Variants in NOS2 observed in about 807,000 individuals in gnomAD.
NOS2 encodes nitric oxide synthase, inducible.
In NOS2, 96 loss-of-function variants were observed where a neutral mutation model predicts 136.0. That is an observed-to-expected ratio of 0.71 (90% confidence interval 0.60 to 0.84). The LOEUF is 0.84. NOS2 is among the 40% of genes least tolerant of loss of function. The pLI, the probability that NOS2 is intolerant of heterozygous loss-of-function variation, is 0.00. For synonymous variants in NOS2, 539 were observed against 587.5 expected (o/e 0.92, Z 1.20); for missense variants, 1,237 against 1,496.9 (o/e 0.83, Z 2.87).
chr17:27,776,009 G>A (rs909570634), intron 11 of NOS2, among the ~76,000 whole-genome samples: 7 of 152,178 alleles, frequency 4.6e-5, no homozygotes, highest in African/African-American at 1.2e-4. Flanking sequence ...ATTTTCACAC[G>A]GCCTGATAGA....
intron 14 of NOS2, 96 bp downstream of exon 14, chr17:27,772,210 ACT>A: frequency 7.4e-7 from 1 of 1,347,240 alleles, no homozygotes; most frequent in Non-Finnish European, 1.0e-6. Context: ...CACATCCAAG[ACT>A]CTGAGACATC....
At position 27,763,953 on chromosome 17, in the gene NOS2, C is replaced by A. The variant is rs779949347; in HGVS notation, c.2592+28G>T. On this transcript the variant is annotated intron_variant, in intron 21 of 26. Transcript: ENST00000313735. ...CACATGCTGGGACCCCCCACATACC[C>A]CCACTGCCCACCAGCCCTGATCTTC... The A allele has an allele frequency of 3.8e-6, 6 of 1,595,942 alleles. No individual in the cohort carries two copies. The South Asian group carries it at 4.5e-5, about 12-fold the overall frequency.
intron 5 of NOS2, among the ~76,000 whole-genome samples, chr17:27,786,381 G>A (rs567620478): frequency 4.6e-5 from 7 of 152,204 alleles, no homozygotes; most frequent in Non-Finnish European, 1.0e-4. Flanking sequence ...AGCCAAGATC[G>A]TGCCACTGCA....
chr17:27,760,242 A>G, intron 24 of NOS2, 64 bp from the exon 25 acceptor site: 1 of 1,471,462 alleles, frequency 6.8e-7, no homozygotes, highest in Non-Finnish European at 9.0e-7. Flanking sequence ...CTCCAAGCCC[A>G]ACTGGAATTC....
intron 2 of NOS2, 42 bp downstream of exon 2, chr17:27,798,658 G>T: frequency 8.0e-7 from 1 of 1,249,140 alleles, no homozygotes; most frequent in Non-Finnish European, 1.2e-6. Context: ...GGGCATGGGT[G>T]CCCAAGGAGA....
At chr17:27,780,738 C>T in intron 9 of NOS2, 29 bp downstream of exon 9, 1 of 1,614,164 alleles carries the variant, frequency 6.2e-7, no homozygotes, top group Non-Finnish European at 8.5e-7. Context: ...TTGACTCGCC[C>T]TTGCCCCCAG....
intron 5 of NOS2, among the ~76,000 whole-genome samples, chr17:27,783,810 T>A (rs17722851): frequency 0.1 from 15,264 of 152,290 alleles, 930 homozygotes; most frequent in South Asian, 0.22. Flanking sequence ...AAGCCCAGGT[T>A]CTTAACTGTC....
At position 27,774,414 on chromosome 17, in the gene NOS2, G is replaced by T; in HGVS notation, c.1319C>A (p.Ala440Glu). 1.3e-6 allele frequency: 2 copies of T among 1,537,982 alleles called. No individual in the cohort carries two copies. The highest frequency in any genetic ancestry group is 2.5e-5 in the East Asian group (1 of 39,804). The change falls in exon 12 of 27, where the codon GCA (alanine) becomes GAA (glutamate). Residue 440 changes from alanine (A) to glutamate (E), a missense_variant. Physicochemically the swap from Ala to Glu is moderately radical, Grantham distance 107. Transcript: ENST00000313735. The stretch of plus-strand genomic sequence containing the variant: ...CTGCATGTACTTCATGAAGGATTCT[G>T]CAGCCGAGTGGTGGTCCATGATGGT... The part of the protein sequence containing the change: ...NVTIMDHHSA[A>E]ESFMKYMQNE...
rs1480933692 is a variant in NOS2 at position 27,760,479 on chromosome 17, A to ACCCGCAGAGG, written c.3010+134_3010+143dup. The ACCCGCAGAGG allele has an allele frequency of 3.2e-5, 36 of 1,120,070 alleles. No homozygotes were observed. In the South Asian group the frequency reaches 5.4e-4, roughly 17 times the overall value. 69.4% of individuals were successfully genotyped at this position (1,120,070 alleles called of 1,614,324 possible). On this transcript the variant is annotated intron_variant, in intron 24 of 26. Transcript: ENST00000313735. ...GGGAGACGGAAAGGCAGCCATTCTA[A>ACCCGCAGAGG]CCCGCAGAGGCCCGCACAGGGAAGC...
In NOS2 at chr17:27,798,817, G is replaced by C; in HGVS notation, c.-8C>G. 6.5e-7 allele frequency: 1 copy of C among 1,547,232 alleles called. No homozygotes were observed. ...TTTCCAAGGACAGGCCATCTCTATG[G>C]CTTTACAAAGCAGGTCACTTATGTC... On this transcript the variant is annotated 5_prime_UTR_variant, in exon 2 of 27. Coordinates refer to ENST00000313735, the MANE Select transcript of NOS2 (RefSeq NM_000625.4).
intron 19 of NOS2, 71 bp downstream of exon 19, chr17:27,766,436 ACTT>A (rs1298594075): frequency 1.4e-5 from 18 of 1,317,472 alleles, no homozygotes; most frequent in South Asian, 4.7e-5. Context: ...TCAAAGACTG[ACTT>A]CTTCTGATCT....
At chr17:27,771,237 AAC>A (rs1381874900) in intron 14 of NOS2, among the ~76,000 whole-genome samples, 4 of 152,232 alleles carry the variant, frequency 2.6e-5, no homozygotes, top group Non-Finnish European at 5.9e-5. Flanking sequence ...CCCTATGGTT[AAC>A]ACATTGGCAA....
chr17:27,779,111 A>AT, intron 9 of NOS2, 55 bp from the exon 10 acceptor site: 2 of 1,284,288 alleles, frequency 1.6e-6, no homozygotes. Flanking sequence ...TTATTTTATT[A>AT]TTATTTTTTT....
In NOS2 at chr17:27,767,807, T is replaced by G; in HGVS notation, c.2065A>C (p.Lys689Gln). 6.2e-7 allele frequency: 1 copy of G among 1,607,412 alleles called. No homozygotes were observed. Among genetic ancestry groups the G allele is most frequent in the East Asian group, 2.2e-5 (1 of 44,622 alleles). Residue 689 changes from lysine (K) to glutamine (Q), a missense_variant, in exon 18 of 27, where the codon AAA becomes CAA. Transcript: ENST00000313735. ...AGCTTGGGGATCTGAATGTGCTGTT[T>G]GCCTCGGACATCAAACGTCTCACAG... ...AACETFDVRGKQHIQIPKLYT... is the reference protein window; with the variant it reads ...AACETFDVRGQQHIQIPKLYT...
chr17:27,781,034 A>G lies in NOS2; in HGVS notation c.864+2T>C. The G allele has an allele frequency of 6.2e-7, 1 of 1,612,958 alleles. No homozygotes were observed. The highest frequency in any genetic ancestry group is 8.5e-7 in the Non-Finnish European group (1 of 1,179,442). On this transcript the variant is annotated splice_donor_variant, in intron 8 of 26. Coordinates refer to ENST00000313735, the MANE Select transcript of NOS2 (RefSeq NM_000625.4). LOFTEE classifies it high-confidence loss of function. ...GCCGGTGGCTGAGGCTGGGCCGGGT[A>G]CCTGAGTGAATTCCACGTTGGCAGG...
intron 26 of NOS2, among the ~76,000 whole-genome samples, chr17:27,758,378 G>C (rs1282768983): frequency 6.6e-6 from 1 of 152,170 alleles, no homozygotes; most frequent in Non-Finnish European, 1.5e-5. Context: ...TGTCACATGA[G>C]AATCCTTGGC....
chr17:27,768,882 A>G, intron 17 of NOS2, 95 bp downstream of exon 17: 1 of 1,321,108 alleles, frequency 7.6e-7, no homozygotes, highest in Non-Finnish European at 1.0e-6. Flanking sequence ...CCACAGGCAG[A>G]GGTCATGCCA....
At chr17:27,788,979 C>A in intron 3 of NOS2, 48 bp from the exon 4 acceptor site, 2 of 1,591,684 alleles carry the variant, frequency 1.3e-6, no homozygotes, top group South Asian at 1.1e-5. Flanking sequence ...TCCTAGACCC[C>A]AGGCCCTGCC....
At chr17:27,763,691 T>G (rs1908208002) in intron 21 of NOS2, among the ~76,000 whole-genome samples, 1 of 152,070 alleles carries the variant, frequency 6.6e-6, no homozygotes, top group South Asian at 2.1e-4. Flanking sequence ...TATTCCAGTT[T>G]TGGGGAAAGC....
Sources: allele counts gnomAD v4.1 joint callset (sites outside exome capture counted in the v4.1 genomes callset), GRCh38; gene constraint gnomAD v4.1.1; transcripts MANE v1.5; gene names NCBI Gene and HGNC (gene_info 2026-07-23, HGNC 2026-07-21).